ADGRG1: variants seen among roughly 807,000 people sequenced by gnomAD.
ADGRG1 encodes 7-transmembrane protein with no EGF-like N-terminal domains-1.
ADGRG1 carries 53 observed loss-of-function variants against 73.5 expected under a neutral mutation model. The observed-to-expected ratio is 0.72, with a 90% confidence interval of 0.58 to 0.91. The LOEUF (loss-of-function observed/expected upper bound fraction) is 0.91, where lower values mean the gene tolerates loss of function less well. Among genes scored for constraint, ADGRG1 ranks in the 40% least tolerant of loss-of-function variants. ADGRG1 has a pLI of 0.00. For missense variants in ADGRG1, 795 were observed against 871.8 expected (o/e 0.91, Z 1.11); for synonymous variants, 394 against 374.4 (o/e 1.05, Z -0.60).
intron 3 of ADGRG1, chr16:57,652,897 G>A (rs1398088859): frequency 5.6e-6 from 7 of 1,242,772 alleles, no homozygotes; most frequent in South Asian, 4.8e-5. Context: ...AGGAGGCCTG[G>A]CTGGGCCCTC....
At chr16:57,653,805 C>A (rs1192982390) in intron 4 of ADGRG1, 181 bp from the exon 5 acceptor site, 1 of 984,956 alleles carries the variant, frequency 1.0e-6, no homozygotes, top group African/African-American at 1.7e-5. Flanking sequence ...CACGCAGATG[C>A]CTGCTTTTCT....
chr16:57,654,141 G>T lies in ADGRG1; in HGVS notation c.768+8G>T. 6.2e-7 allele frequency: 1 copy of T among 1,609,058 alleles called. No homozygotes were observed. The highest frequency in any genetic ancestry group is 1.1e-5 in the South Asian group (1 of 91,032). On this transcript the variant is annotated splice_region_variant and intron_variant, in intron 5 of 13. Coordinates refer to ENST00000562631, the MANE Select transcript of ADGRG1 (RefSeq NM_201525.4). Reference sequence around the variant, plus strand: ...ATCCACTCCCGGCAGGAGGTCAGGGGCAGGCCTGGGCAGGAAGCAGATGCG... The same window carrying T: ...ATCCACTCCCGGCAGGAGGTCAGGGTCAGGCCTGGGCAGGAAGCAGATGCG...
In ADGRG1 at chr16:57,651,200, G is replaced by T; in HGVS notation, c.65G>T (p.Gly22Val). Residue 22 changes from glycine to valine, a missense_variant and splice_region_variant, in exon 3 of 14, where the codon GGT becomes GTT. Coordinates refer to ENST00000562631, the MANE Select transcript of ADGRG1 (RefSeq NM_201525.4). ...CCATCTGCAGCCTCTGCCTCCTCAG[G>T]TGCCCACGGCAGGGGCCACAGGGAA... ...FLLSLLFLVQGAHGRGHREDF... is the reference protein window; with the variant it reads ...FLLSLLFLVQVAHGRGHREDF... 1 of 1,613,968 alleles carries T rather than the reference G, an allele frequency of 6.2e-7. No individual in the cohort carries two copies. Among genetic ancestry groups the T allele is most frequent in the Non-Finnish European group, 8.5e-7 (1 of 1,180,010 alleles).
chr16:57,634,083 G>A (rs1277536273), intron 1 of ADGRG1: 1 of 985,336 alleles, frequency 1.0e-6, no homozygotes, highest in Non-Finnish European at 1.2e-6. Flanking sequence ...GAGGAGGCCT[G>A]GGTTCCAGTC....
At chr16:57,661,158 C>G (rs1013701304) in intron 12 of ADGRG1, 10 of 431,656 alleles carry the variant, frequency 2.3e-5, no homozygotes, top group Non-Finnish European at 3.1e-5. Context: ...GCAGATGAGC[C>G]TCACCACATT....
At chr16:57,631,602 C>G in intron 1 of ADGRG1, 1 of 985,594 alleles carries the variant, frequency 1.0e-6, no homozygotes, top group Non-Finnish European at 1.2e-6. Flanking sequence ...ACCCCGCCTT[C>G]TGACTCACAG....
Position 57,650,301 on chromosome 16 carries a change from C to T in ADGRG1, c.14C>T (p.Ser5Leu), listed in dbSNP as rs147879224. 6.0e-4 allele frequency: 967 copies of T among 1,613,504 alleles called. 1 individual carries two copies. The highest frequency in any genetic ancestry group is 7.5e-4 in the Non-Finnish European group (879 of 1,179,526). The change falls in exon 2 of 14, where the codon TCG becomes TTG. Residue 5 changes from serine to leucine, a missense_variant. Ser to Leu is a moderately radical substitution (Grantham distance 145). Transcript: ENST00000562631. MTPQ[S>L]LLQTTLFLLS... ...CGTCGGAGGAAAATGACTCCCCAGTCGCTGCTGCAGACGACACTGTTCCTG... is the reference window on the plus strand; with the variant it reads ...CGTCGGAGGAAAATGACTCCCCAGTTGCTGCTGCAGACGACACTGTTCCTG...
intron 1 of ADGRG1, chr16:57,636,079 A>C (rs2039291498): frequency 1.0e-6 from 1 of 984,966 alleles, no homozygotes; most frequent in Non-Finnish European, 1.2e-6. Context: ...TCCTTGCTTG[A>C]CCTTGGAGAG....
In ADGRG1 at chr16:57,656,635, C is replaced by T. The variant is rs370480734; in HGVS notation, c.1167+18C>T. ...TGCTGATGGTGAGGGTCCCTGCTCC[C>T]ACCTCGCAGCCACACCCCAGGCCGT... On this transcript the variant is annotated intron_variant, in intron 9 of 13. Transcript: ENST00000562631. The T allele has an allele frequency of 1.4e-6, 2 of 1,456,486 alleles. No homozygotes were observed. Among genetic ancestry groups the T allele is most frequent in the South Asian group, 1.1e-5 (1 of 88,066 alleles). 90.2% of individuals were successfully genotyped at this position (1,456,486 alleles called of 1,614,324 possible).
intron 1 of ADGRG1, among the ~76,000 whole-genome samples, chr16:57,649,270 TC>T (rs1256570364): frequency 1.3e-5 from 2 of 152,146 alleles, no homozygotes; most frequent in African/African-American, 4.8e-5. Flanking sequence ...ATCCTTTAGT[TC>T]CTTCACTGTC....
intron 5 of ADGRG1, among the ~76,000 whole-genome samples, chr16:57,654,603 G>A (rs1457170682): frequency 6.6e-6 from 1 of 152,138 alleles, no homozygotes; most frequent in Non-Finnish European, 1.5e-5. Context: ...TGCAAGGCTA[G>A]GTGCAGTGGC....
chr16:57,633,176 T>C (rs1168423369), intron 1 of ADGRG1: 1 of 396,684 alleles, frequency 2.5e-6, no homozygotes, highest in Non-Finnish European at 3.4e-6. Flanking sequence ...AATACATCCC[T>C]TTGCAGGGTT....
At chr16:57,662,567 A>C (rs2047459433) in intron 13 of ADGRG1, among the ~76,000 whole-genome samples, 1 of 152,142 alleles carries the variant, frequency 6.6e-6, no homozygotes, top group Admixed American at 6.5e-5. Context: ...ACATGATAGG[A>C]TCAGGAGCCC....
At chr16:57,644,799 C>T (rs1267809062) in intron 1 of ADGRG1, among the ~76,000 whole-genome samples, 1 of 149,728 alleles carries the variant, frequency 6.7e-6, no homozygotes. Context: ...TGCATGGGCA[C>T]ACACTCATCA....
chr16:57,658,987 T>A (rs2046400755), intron 10 of ADGRG1: 1 of 985,050 alleles, frequency 1.0e-6, no homozygotes, highest in Non-Finnish European at 1.2e-6. Context: ...CTTGCAAACC[T>A]CAGACAGACC....
At chr16:57,625,489 C>T (rs2035657890), upstream of ADGRG1, 3 of 804,032 alleles carry the variant, frequency 3.7e-6, no homozygotes, top group Non-Finnish European at 4.5e-6. Context: ...AGTCTCCTCC[C>T]CCGCTCTTCC....
At chr16:57,635,977 G>T (rs1046884157) in intron 1 of ADGRG1, 4 of 985,210 alleles carry the variant, frequency 4.1e-6, no homozygotes, top group Non-Finnish European at 3.6e-6. Context: ...GCTCTGCCTC[G>T]TGAGTCTCTG....
upstream of ADGRG1, chr16:57,620,003 G>C (rs2034466763): frequency 6.6e-6 from 1 of 152,340 alleles, no homozygotes. Context: ...GAGACAGACA[G>C]GCGGAGCCTC....
chr16:57,622,831 G>A (rs541762639), upstream of ADGRG1: 28 of 985,298 alleles, frequency 2.8e-5, 1 homozygote, highest in Admixed American at 1.0e-3. Context: ...TGCCTTCCCC[G>A]CTGGGGAGGT....
Sources: allele counts gnomAD v4.1 joint callset (sites outside exome capture counted in the v4.1 genomes callset), GRCh38; gene constraint gnomAD v4.1.1; transcripts MANE v1.5; gene names NCBI Gene and HGNC (gene_info 2026-07-23, HGNC 2026-07-21).